Variants in DOCK10 observed in about 807,000 individuals in gnomAD.
The protein encoded by DOCK10 is dedicator of cytokinesis 10, also known as dedicator of cytokinesis protein 10.
Under a neutral mutation model 280.1 loss-of-function variants are expected in DOCK10, and 145 were observed. The observed-to-expected ratio is 0.52, with a 90% CI of 0.45 to 0.59. DOCK10 has a LOEUF of 0.59. Among genes scored for constraint, DOCK10 ranks in the 20% least tolerant of loss-of-function variants. The pLI is 0.00. For missense variants in DOCK10, 2,368 were observed against 2,651.7 expected, an observed-to-expected ratio of 0.89 and a Z score of 2.35; for synonymous variants, 915 against 942.2, an observed-to-expected ratio of 0.97 and a Z score of 0.53.
At chr2:224,797,739 C>T in intron 42 of DOCK10, 93 bp downstream of exon 42, 1 of 1,398,452 alleles carries the variant, frequency 7.2e-7, no homozygotes, top group East Asian at 2.4e-5. Flanking sequence ...TTCTTCCCTC[C>T]CTACTGAGAA....
chr2:225,028,715 T>G (rs1689991660), intron 1 of DOCK10, among the ~76,000 whole-genome samples: 1 of 152,178 alleles, frequency 6.6e-6, no homozygotes, highest in Admixed American at 6.5e-5. Flanking sequence ...TTTGGCATAA[T>G]GTCAGCTTAC....
At chr2:224,817,812 T>C (rs1379686000) in intron 29 of DOCK10, among the ~76,000 whole-genome samples, 1 of 152,126 alleles carries the variant, frequency 6.6e-6, no homozygotes. Context: ...CTGCACCCCA[T>C]CTCCCAAAAA....
chr2:225,014,981 T>C (rs370030231), intron 1 of DOCK10, among the ~76,000 whole-genome samples: 1 of 152,188 alleles, frequency 6.6e-6, no homozygotes. Flanking sequence ...TCCCAAATAT[T>C]TGAATGTGGT....
At chr2:224,872,397 G>C (rs1698347585) in intron 11 of DOCK10, among the ~76,000 whole-genome samples, 2 of 152,208 alleles carry the variant, frequency 1.3e-5, no homozygotes, top group African/African-American at 2.4e-5. Context: ...AAGACTGACA[G>C]TAGGCCAGTT....
intron 1 of DOCK10, chr2:224,946,943 A>G: frequency 6.5e-7 from 1 of 1,543,170 alleles, no homozygotes; most frequent in Non-Finnish European, 8.7e-7. Flanking sequence ...CCTTCCCTCG[A>G]AAACTCATCG....
At chr2:224,869,585 A>G (rs1698139208) in intron 11 of DOCK10, among the ~76,000 whole-genome samples, 2 of 151,586 alleles carry the variant, frequency 1.3e-5, no homozygotes, top group Admixed American at 6.5e-5. Context: ...TATAGGCACA[A>G]TGAAATTATT....
At chr2:224,905,392 C>G (rs991691373) in intron 3 of DOCK10, among the ~76,000 whole-genome samples, 12 of 151,832 alleles carry the variant, frequency 7.9e-5, no homozygotes, top group Non-Finnish European at 1.6e-4. Flanking sequence ...GGACTACAGG[C>G]GCCCGCCACC....
At position 224,816,672 on chromosome 2, in the gene DOCK10, A is replaced by G; in HGVS notation, c.3309T>C (p.Cys1103=). Residue 1103 remains cysteine, a synonymous_variant, in exon 30 of 56, where the codon TGT becomes TGC. Coordinates refer to ENST00000258390, the MANE Select transcript of DOCK10 (RefSeq NM_014689.3). ...ACAAAGGGATAAAGTGTTCATGTTG[A>G]CATACTTCTTGAAGAAAATCAAATT... ...QYKFDFLQEV[C]QHEHFIPLCL... 1 of 1,608,820 alleles carries G rather than the reference A, an allele frequency of 6.2e-7. No homozygotes were observed. Among genetic ancestry groups the G allele is most frequent in the Non-Finnish European group, 8.5e-7 (1 of 1,176,994 alleles).
At chr2:224,804,741 G>A (rs1479615497) in intron 38 of DOCK10, 53 bp downstream of exon 38, 4 of 1,174,618 alleles carry the variant, frequency 3.4e-6, no homozygotes, top group Non-Finnish European at 4.8e-6. Context: ...ATTAATACAT[G>A]TCATATGCTT....
At position 224,787,051 on chromosome 2, in the gene DOCK10, G is replaced by A. The variant is rs376743520; in HGVS notation, c.5626C>T (p.Arg1876Cys). ...VVNSEKRLFG[R>C]YYRVAFYGQG... ...CCATAAAATGCCACACGATAGTAGCGACCAAACAGCCGCTTCTCCGAATTC... is the reference window on the plus strand; with the variant it reads ...CCATAAAATGCCACACGATAGTAGCAACCAAACAGCCGCTTCTCCGAATTC... The change falls in exon 50 of 56, where the codon CGC becomes TGC. Residue 1876 changes from arginine to cysteine, a missense_variant. Transcript: ENST00000258390. 1.2e-6 allele frequency: 2 copies of A among 1,613,872 alleles called. No homozygotes were observed. Among genetic ancestry groups the A allele is most frequent in the Non-Finnish European group, 1.7e-6 (2 of 1,179,842 alleles).
At chr2:224,777,575 G>T (rs928772642) in intron 51 of DOCK10, among the ~76,000 whole-genome samples, 2 of 152,064 alleles carry the variant, frequency 1.3e-5, no homozygotes, top group Non-Finnish European at 2.9e-5. Flanking sequence ...AGGGGCTCTT[G>T]GGCCTTCAGT....
intron 1 of DOCK10, among the ~76,000 whole-genome samples, chr2:224,953,567 T>C (rs1246838164): frequency 6.6e-6 from 1 of 152,186 alleles, no homozygotes; most frequent in East Asian, 1.9e-4. Context: ...TCAACCCAAC[T>C]GAGCAGCTCC....
intron 3 of DOCK10, among the ~76,000 whole-genome samples, chr2:224,897,685 A>G (rs1181837046): frequency 1.3e-5 from 2 of 152,200 alleles, no homozygotes; most frequent in Admixed American, 6.5e-5. Context: ...CACTTAACAT[A>G]ATGATCTCCA....
At chr2:224,925,297 T>TA (rs1559780244) in intron 2 of DOCK10, among the ~76,000 whole-genome samples, 1 of 152,204 alleles carries the variant, frequency 6.6e-6, no homozygotes, top group African/African-American at 2.4e-5. Context: ...GAAGTCCCCA[T>TA]ATACCATTTG....
intron 4 of DOCK10, among the ~76,000 whole-genome samples, chr2:224,888,427 T>C (rs1699444988): frequency 6.6e-6 from 1 of 152,034 alleles, no homozygotes; most frequent in African/African-American, 2.4e-5. Flanking sequence ...TATATATGAG[T>C]GTATGTATAT....
intron 1 of DOCK10, among the ~76,000 whole-genome samples, chr2:224,995,484 AG>A (rs1706247026): frequency 6.6e-6 from 1 of 152,220 alleles, no homozygotes; most frequent in South Asian, 2.1e-4. Context: ...AATACACAGG[AG>A]GGCCTCTTGT....
Position 224,773,196 on chromosome 2 carries a change from G to T in DOCK10, c.6165C>A (p.Ile2055=). The change falls in exon 53 of 56, where the codon ATC becomes ATA. Residue 2055 remains isoleucine, a synonymous_variant. Coordinates refer to ENST00000258390, the MANE Select transcript of DOCK10 (RefSeq NM_014689.3). ...TTCCTTGCAGTTTGAGCTGCAGTCTGATCATGTCCACTTCTTCCATTGTGC... is the reference window on the plus strand; with the variant it reads ...TTCCTTGCAGTTTGAGCTGCAGTCTTATCATGTCCACTTCTTCCATTGTGC... The part of the protein sequence containing the change: ...QLCTMEEVDM[I]RLQLKLQGSV... The T allele has an allele frequency of 1.2e-6, 2 of 1,613,820 alleles. No individual in the cohort carries two copies. The highest frequency in any genetic ancestry group is 1.7e-6 in the Non-Finnish European group (2 of 1,179,808).
Position 224,970,561 on chromosome 2 carries a change from T to G in DOCK10, c.124-38893A>C, listed in dbSNP as rs186151389. ...TGTCTGTTCCCAAAATAGAATTCTA[T>G]AAACCCTTCAATCCGAAGAGATTAC... On this transcript the variant is annotated intron_variant, in intron 1 of 55. Transcript: ENST00000258390. The surrounding 1 kb of genome is among the most constrained non-coding windows in gnomAD (Gnocchi z 4.6). Among the ~76,000 whole-genome samples the G allele has an allele frequency of 8.5e-4, 130 of 152,316 alleles. No homozygotes were observed. The highest frequency in any genetic ancestry group is 3.1e-3 in the South Asian group (15 of 4,822).
rs6757882 is a variant in DOCK10, at chr2:224,787,179, T to C, written c.5542-44A>G. 150 of 1,607,518 alleles carry C rather than the reference T, an allele frequency of 9.3e-5. 1 individual carries two copies. In the African/African-American group the frequency reaches 1.8e-3, roughly 19 times the overall value. ...GAGTTTCATGAAGATGATGCTGTCA[T>C]ACAAATAAGGGAGTTTTTAATTTTG... is the stretch of plus-strand genomic sequence containing the variant. On this transcript the variant is annotated intron_variant, in intron 49 of 55. Transcript: ENST00000258390.
Sources: gnomAD v4.1 joint callset for allele counts (sites outside exome capture counted in the v4.1 genomes callset) on GRCh38, gnomAD v4.1.1 for gene constraint, Gnocchi (gnomAD v3.1) non-coding constraint, MANE v1.5 for transcripts, NCBI Gene and HGNC (gene_info 2026-07-23, HGNC 2026-07-21) for gene names.